Variants in SLC25A21 observed in about 807,000 individuals in gnomAD.
SLC25A21 encodes the protein solute carrier family 25 member 21, also known as mitochondrial 2-oxodicarboxylate carrier.
In SLC25A21, 47 loss-of-function variants were observed where a neutral mutation model predicts 43.8. The ratio of observed to expected loss-of-function variants is 1.07; its 90% CI spans 0.85 to 1.37. The LOEUF (loss-of-function observed/expected upper bound fraction) is 1.37, where lower values mean the gene tolerates loss of function less well. Among genes scored for constraint, SLC25A21 ranks in the 40% most tolerant of loss-of-function variants. The probability of loss-of-function intolerance (pLI) is 0.00; values close to 1 mark genes in which losing one functional copy is unlikely to be tolerated. For synonymous variants in SLC25A21, 131 were observed against 121.3 expected (o/e 1.08, Z -0.52); for missense variants, 352 against 350.2 (o/e 1.00, Z -0.04).
At chr14:36,910,561 G>A (rs1175019411) in intron 1 of SLC25A21, among the ~76,000 whole-genome samples, 3 of 152,110 alleles carry the variant, frequency 2.0e-5, no homozygotes, top group African/African-American at 7.2e-5. Context: ...CAGAGAGAAA[G>A]GAATTAATCA....
intron 1 of SLC25A21, among the ~76,000 whole-genome samples, chr14:36,918,467 C>CCTTCCTGAAAACCAAAATTTA (rs1891891298): frequency 6.6e-6 from 1 of 152,266 alleles, no homozygotes; most frequent in South Asian, 2.1e-4. Context: ...TAATTTAAAT[C>CCTTCCTGAAAACCAAAATTTA]CTTCCTGAAA....
At chr14:37,053,947 T>C (rs974994699) in intron 1 of SLC25A21, among the ~76,000 whole-genome samples, 1 of 152,230 alleles carries the variant, frequency 6.6e-6, no homozygotes, top group East Asian at 1.9e-4. Context: ...CTTAGAACTA[T>C]AAACGTGGTA....
At chr14:37,069,047 G>A (rs1962119976) in intron 1 of SLC25A21, among the ~76,000 whole-genome samples, 1 of 152,080 alleles carries the variant, frequency 6.6e-6, no homozygotes, top group Admixed American at 6.6e-5. Context: ...CATGGTGGCA[G>A]GAGCCTGTAG....
At position 37,120,288 on chromosome 14, in the gene SLC25A21, C is replaced by T. The variant is rs191719542; in HGVS notation, c.70+51993G>A. On this transcript the variant is annotated intron_variant, in intron 1 of 9. Transcript: ENST00000331299. ...GTTTTTAATCAACATGTGTTTTAAA[C>T]ATTTTGGCTTTAGACCTTTTCATAA... is the stretch of plus-strand genomic sequence containing the variant. Among the ~76,000 whole-genome samples the T allele has an allele frequency of 5.3e-5, 8 of 152,270 alleles. No homozygotes were observed. The East Asian group carries it at 1.2e-3, about 22-fold the overall frequency.
At chr14:36,878,075 T>C (rs1183166887) in intron 1 of SLC25A21, among the ~76,000 whole-genome samples, 1 of 152,162 alleles carries the variant, frequency 6.6e-6, no homozygotes, top group Admixed American at 6.6e-5. Flanking sequence ...ATCACAGTTA[T>C]TCACTTGCAA....
At chr14:37,152,893 T>C (rs535040415) in intron 1 of SLC25A21, among the ~76,000 whole-genome samples, 1 of 152,234 alleles carries the variant, frequency 6.6e-6, no homozygotes, top group East Asian at 1.9e-4. Flanking sequence ...AGAACTGGAA[T>C]AGTATATAGA....
At chr14:37,108,055 A>C (rs575137926) in intron 1 of SLC25A21, among the ~76,000 whole-genome samples, 1 of 152,332 alleles carries the variant, frequency 6.6e-6, no homozygotes, top group South Asian at 2.1e-4. Flanking sequence ...AAGGCTCTTA[A>C]GCCTTGTCGT....
At chr14:37,071,802 T>C (rs549913346) in intron 1 of SLC25A21, among the ~76,000 whole-genome samples, 2 of 152,290 alleles carry the variant, frequency 1.3e-5, no homozygotes, top group East Asian at 1.9e-4. Flanking sequence ...AAATGCATCA[T>C]CATTTGCATG....
intron 1 of SLC25A21, among the ~76,000 whole-genome samples, chr14:36,903,429 T>C (rs900489215): frequency 4.6e-5 from 7 of 151,796 alleles, no homozygotes; most frequent in Non-Finnish European, 1.0e-4. Context: ...CTGGCCAACA[T>C]GGTGAAACCC....
rs1483791911 is a variant in SLC25A21 at position 37,108,718 on chromosome 14, T to A, written c.70+63563A>T. Among the ~76,000 whole-genome samples, 2 of 146,010 alleles carry A rather than the reference T, an allele frequency of 1.4e-5. 1 individual carries two copies. Among genetic ancestry groups the A allele is most frequent in the Non-Finnish European group, 3.0e-5 (2 of 66,992 alleles). On this transcript the variant is annotated intron_variant, in intron 1 of 9. Coordinates refer to ENST00000331299, the MANE Select transcript of SLC25A21 (RefSeq NM_030631.4). Reference sequence around the variant, plus strand: ...GAGTTTTGTTAAGTGTGTGTGTGTGTGTGTGTGTGTGTGTGTGTGTGCGTG... The same window carrying A: ...GAGTTTTGTTAAGTGTGTGTGTGTGAGTGTGTGTGTGTGTGTGTGTGCGTG...
chr14:37,048,458 G>C (rs540880327), intron 1 of SLC25A21, among the ~76,000 whole-genome samples: 13 of 149,510 alleles, frequency 8.7e-5, no homozygotes, highest in East Asian at 7.9e-4. Context: ...AAATTACTAC[G>C]TCTTCCTGGT....
At chr14:36,844,903 A>G (rs1389337263) in intron 2 of SLC25A21, among the ~76,000 whole-genome samples, 1 of 152,216 alleles carries the variant, frequency 6.6e-6, no homozygotes, top group Admixed American at 6.5e-5. Context: ...ACACAGCAAG[A>G]ACTCTCAAGC....
At chr14:36,831,127 T>A (rs2138480371) in intron 2 of SLC25A21, among the ~76,000 whole-genome samples, 1 of 152,334 alleles carries the variant, frequency 6.6e-6, no homozygotes, top group East Asian at 1.9e-4. Flanking sequence ...CCATAAAGAT[T>A]TAAGACTGCA....
intron 1 of SLC25A21, among the ~76,000 whole-genome samples, chr14:37,004,983 G>A (rs1422772288): frequency 6.6e-6 from 1 of 150,556 alleles, no homozygotes; most frequent in Non-Finnish European, 1.5e-5. Flanking sequence ...GAGTGCAGTG[G>A]CTTTATGATC....
intron 3 of SLC25A21, among the ~76,000 whole-genome samples, chr14:36,812,068 T>C (rs1260966181): frequency 6.6e-6 from 1 of 152,112 alleles, no homozygotes; most frequent in African/African-American, 2.4e-5. Context: ...AATAAGTACC[T>C]ACAAATTAAA....
At chr14:36,957,769 G>A (rs567056619) in intron 1 of SLC25A21, among the ~76,000 whole-genome samples, 1 of 152,314 alleles carries the variant, frequency 6.6e-6, no homozygotes, top group South Asian at 2.1e-4. Context: ...CCCTTTCAAT[G>A]TAACTCACTA....
chr14:37,089,351 G>A (rs1962541963), intron 1 of SLC25A21, among the ~76,000 whole-genome samples: 1 of 152,088 alleles, frequency 6.6e-6, no homozygotes, highest in Admixed American at 6.6e-5. Flanking sequence ...GGGAAGTGCT[G>A]GAGCAACTCA....
chr14:37,031,257 C>A (rs572127157), intron 1 of SLC25A21, among the ~76,000 whole-genome samples: 2 of 152,280 alleles, frequency 1.3e-5, no homozygotes, highest in African/African-American at 4.8e-5. Flanking sequence ...ACAGTTTACA[C>A]CCTTGCAGTC....
chr14:36,887,390 C>T (rs1890948797), intron 1 of SLC25A21, among the ~76,000 whole-genome samples: 1 of 151,750 alleles, frequency 6.6e-6, no homozygotes, highest in Non-Finnish European at 1.5e-5. Context: ...TGGTGAAATC[C>T]CATCTCTACT....
Sources: allele counts gnomAD v4.1 joint callset (sites outside exome capture counted in the v4.1 genomes callset), GRCh38; gene constraint gnomAD v4.1.1; transcripts MANE v1.5; gene names NCBI Gene and HGNC (gene_info 2026-07-23, HGNC 2026-07-21).